Variants in PDE1C observed in about 807,000 individuals in gnomAD.
The protein encoded by PDE1C is dual specificity calcium/calmodulin-dependent 3',5'-cyclic nucleotide phosphodiesterase 1C.
PDE1C carries 62 observed loss-of-function variants against 93.1 expected under a neutral mutation model. That is an observed-to-expected ratio of 0.67 (90% CI 0.54 to 0.82). The LOEUF (loss-of-function observed/expected upper bound fraction) is 0.82. Among genes scored for constraint, PDE1C ranks in the 40% least tolerant of loss-of-function variants. The pLI is 0.00. For synonymous variants in PDE1C, 325 were observed against 310.1 expected, an observed-to-expected ratio of 1.05 and a Z score of -0.50; for missense variants, 742 against 884.6, an observed-to-expected ratio of 0.84 and a Z score of 2.04.
At chr7:32,390,968 TA>T in intron 1 of PDE1C, among the ~76,000 whole-genome samples, 1 of 152,054 alleles carries the variant, frequency 6.6e-6, no homozygotes, top group Admixed American at 6.5e-5. Context: ...AAGAGGAACA[TA>T]AGAACAAAAA....
rs1379516324 is a variant in PDE1C, at chr7:32,348,615, G to A, written c.310+79207C>T. ...CCTGACCTTGTGATCCTCCTGACTC[G>A]GCCTCCCAAAGTGCTGGGATTACAG... On this transcript the variant is annotated intron_variant, in intron 1 of 1. Transcript: ENST00000672256. 5.3e-5 allele frequency among the ~76,000 whole-genome samples: 8 copies of A among 151,964 alleles called. No homozygotes were observed. In the South Asian group the frequency reaches 8.3e-4, roughly 16 times the overall value.
the PDE1C span, among the ~76,000 whole-genome samples, chr7:31,704,281 T>C: frequency 1.4e-3 from 212 of 152,314 alleles, no homozygotes; most frequent in African/African-American, 4.6e-3. Context: ...CGTGGTGTCC[T>C]AGCCCTGGCT....
the PDE1C span, among the ~76,000 whole-genome samples, chr7:31,635,745 G>C: frequency 1.4e-3 from 215 of 152,094 alleles, 2 homozygotes; most frequent in African/African-American, 5.2e-3. Context: ...TGGACACAGG[G>C]AGGGGAACAC....
At chr7:32,210,862 C>A (rs542606867) in intron 1 of PDE1C, among the ~76,000 whole-genome samples, 8 of 152,272 alleles carry the variant, frequency 5.3e-5, no homozygotes, top group African/African-American at 1.7e-4. Context: ...AAATGACCAG[C>A]AGGGGGAGGC....
chr7:32,383,534 C>G (rs145856839), intron 1 of PDE1C, among the ~76,000 whole-genome samples: 2 of 152,294 alleles, frequency 1.3e-5, no homozygotes, highest in Non-Finnish European at 2.9e-5. Flanking sequence ...AAGGGAAAGT[C>G]CCTTTGGGGA....
At chr7:32,169,940 G>T in exon 3 of PDE1C, 1 of 1,612,430 alleles carries the variant, frequency 6.2e-7, no homozygotes, top group South Asian at 1.1e-5. Context: ...TCCACAGACA[G>T]TTCTGTGACT....
At chr7:31,996,068 C>CACACACAA (rs1554455418) in intron 2 of PDE1C, among the ~76,000 whole-genome samples, 3 of 65,276 alleles carry the variant, frequency 4.6e-5, no homozygotes, top group African/African-American at 7.8e-5. Context: ...CGCTTCCGGA[C>CACACACAA]ACACACACAC....
chr7:31,633,828 G>A, the PDE1C span, among the ~76,000 whole-genome samples: 1 of 152,190 alleles, frequency 6.6e-6, no homozygotes, highest in African/African-American at 2.4e-5. Context: ...ACAGTCTGAG[G>A]TTGAAACATT....
intron 2 of PDE1C, among the ~76,000 whole-genome samples, chr7:32,030,770 C>T (rs957636120): frequency 1.1e-4 from 17 of 152,008 alleles, no homozygotes; most frequent in Admixed American, 6.6e-4. Context: ...GTGGTAGATG[C>T]TATTACTATC....
At chr7:31,957,804 A>G (rs754592236) in intron 2 of PDE1C, among the ~76,000 whole-genome samples, 6 of 152,172 alleles carry the variant, frequency 3.9e-5, no homozygotes, top group Non-Finnish European at 8.8e-5. Flanking sequence ...AAAGACAAGC[A>G]GGTAGAAAAT....
At chr7:32,293,942 C>G (rs1230271879) in intron 1 of PDE1C, among the ~76,000 whole-genome samples, 1 of 152,156 alleles carries the variant, frequency 6.6e-6, no homozygotes, top group African/African-American at 2.4e-5. Context: ...GCACAGAGAC[C>G]AGTCTGGGCT....
At chr7:31,727,053 A>T in the PDE1C span, among the ~76,000 whole-genome samples, 3 of 152,116 alleles carry the variant, frequency 2.0e-5, no homozygotes, top group Admixed American at 1.3e-4. Flanking sequence ...GAAAAAAAAA[A>T]TTAACAAAAA....
At chr7:31,846,857 T>G (rs1465369714) in intron 9 of PDE1C, among the ~76,000 whole-genome samples, 1 of 152,092 alleles carries the variant, frequency 6.6e-6, no homozygotes, top group East Asian at 1.9e-4. Flanking sequence ...TCCAATAAAA[T>G]TTAAGTCAAA....
chr7:32,282,485 A>AAATAGATAGATAGATAGATAG (rs1554300215), intron 1 of PDE1C, among the ~76,000 whole-genome samples: 16 of 143,934 alleles, frequency 1.1e-4, no homozygotes, highest in African/African-American at 2.6e-4. Flanking sequence ...TCAAAAAAAA[A>AAATAGATAGATAGATAGATAG]ATAGATAGAT....
chr7:32,069,061 C>T lies in PDE1C; in HGVS notation c.101+1232G>A, dbSNP rs540581677. On this transcript the variant is annotated intron_variant, in intron 1 of 17. Coordinates refer to ENST00000396191, the MANE Select transcript of PDE1C (RefSeq NM_001191057.4). ...ACAGTCTCCACTAGCGGTGGCTAGA[C>T]AAGTCAAAAATCAAATTATTTGGCA... Among the ~76,000 whole-genome samples, 343 of 152,280 alleles carry T rather than the reference C, an allele frequency of 2.3e-3. 2 individuals carry two copies. Among genetic ancestry groups the T allele is most frequent in the African/African-American group, 7.5e-3 (310 of 41,544 alleles).
intron 1 of PDE1C, among the ~76,000 whole-genome samples, chr7:32,323,195 G>A (rs1671983465): frequency 1.3e-5 from 2 of 152,162 alleles, no homozygotes; most frequent in South Asian, 4.1e-4. Flanking sequence ...TACAAAGAAT[G>A]TTGTGCTGGT....
At chr7:32,102,239 C>T (rs1228540474) in intron 3 of PDE1C, among the ~76,000 whole-genome samples, 1 of 152,176 alleles carries the variant, frequency 6.6e-6, no homozygotes, top group African/African-American at 2.4e-5. Context: ...CCTCAAACCA[C>T]ATTGACTGAG....
chr7:32,082,970 T>A (rs371578326), intron 3 of PDE1C, among the ~76,000 whole-genome samples: 1 of 150,726 alleles, frequency 6.6e-6, no homozygotes, highest in African/African-American at 2.5e-5. Context: ...AGGAACGCAG[T>A]TCCTCACCAG....
intron 1 of PDE1C, among the ~76,000 whole-genome samples, chr7:32,314,767 T>C (rs1295585043): frequency 1.3e-5 from 2 of 152,016 alleles, no homozygotes; most frequent in African/African-American, 4.8e-5. Context: ...CCAGAAAGAA[T>C]AGACAGGCAG....
Sources: gnomAD v4.1 joint callset for allele counts (sites outside exome capture counted in the v4.1 genomes callset) on GRCh38, gnomAD v4.1.1 for gene constraint, MANE v1.5 for transcripts, NCBI Gene and HGNC (gene_info 2026-07-23, HGNC 2026-07-21) for gene names.